The following TBC1D2B variants were observed in gnomAD, a reference collection of about 807,000 sequenced individuals.
The protein encoded by TBC1D2B is TBC1 domain family member 2B, also known as TBC1 domain family, member 2B.
TBC1D2B carries 64 observed loss-of-function variants against 100.8 expected under a neutral mutation model. The ratio of observed to expected loss-of-function variants is 0.64; its 90% CI spans 0.52 to 0.78. The LOEUF is 0.78. TBC1D2B is among the 30% of genes least tolerant of loss of function. TBC1D2B has a pLI of 0.00. For missense variants in TBC1D2B, 1,052 were observed against 1,218.4 expected, an observed-to-expected ratio of 0.86 and a Z score of 2.03; for synonymous variants, 480 against 479.7, an observed-to-expected ratio of 1.00 and a Z score of -0.01.
At chr15:78,017,698 G>A (rs2072412422) in intron 7 of TBC1D2B, 149 bp downstream of exon 7, 2 of 540,100 alleles carry the variant, frequency 3.7e-6, no homozygotes, top group Non-Finnish European at 6.6e-6. Context: ...ACAGCTCTAT[G>A]TATTATATGT....
At position 78,024,104 on chromosome 15, in the gene TBC1D2B, T is replaced by A. The variant is rs112269463; in HGVS notation, c.1470+52A>T. ...GCTCACGGAGGCCAGGCCTCTGGGG[T>A]GACATCGGTGGTCTCTCATGCCAAT... On this transcript the variant is annotated intron_variant, in intron 6 of 12. Coordinates refer to ENST00000300584, the MANE Select transcript of TBC1D2B (RefSeq NM_144572.2). The A allele has an allele frequency of 1.6e-5, 25 of 1,546,030 alleles. No homozygotes were observed. In the African/African-American group the frequency reaches 2.3e-4, roughly 14 times the overall value.
intron 3 of TBC1D2B, among the ~76,000 whole-genome samples, chr15:78,040,859 A>AAAGG (rs2073072576): frequency 8.2e-6 from 1 of 121,418 alleles, no homozygotes; most frequent in Non-Finnish European, 1.8e-5. Context: ...AGAAAGGAAG[A>AAAGG]AAGAAAGAAA....
At position 77,999,770 on chromosome 15, in the gene TBC1D2B, G is replaced by A. The variant is rs565898596; in HGVS notation, c.2697-1415C>T. Among the ~76,000 whole-genome samples the A allele has an allele frequency of 2.6e-5, 4 of 152,286 alleles. No homozygotes were observed. In the East Asian group the frequency reaches 7.7e-4, roughly 29 times the overall value. The stretch of plus-strand genomic sequence containing the variant: ...GTTCCTCAGTCAGGAGCTGACAGAG[G>A]CCCCTCGGCCCAGGCTGGCACCCGG... On this transcript the variant is annotated intron_variant, in intron 12 of 12. Transcript: ENST00000300584.
At chr15:78,053,408 G>A (rs1036460862) in intron 2 of TBC1D2B, among the ~76,000 whole-genome samples, 3 of 152,174 alleles carry the variant, frequency 2.0e-5, no homozygotes, top group Admixed American at 1.3e-4. Flanking sequence ...TATTTTCCCT[G>A]TATGAAGAGT....
chr15:78,025,938 C>T (rs752128461), intron 4 of TBC1D2B, among the ~76,000 whole-genome samples: 7 of 151,624 alleles, frequency 4.6e-5, no homozygotes, highest in Non-Finnish European at 1.0e-4. Context: ...TTAAGAACTA[C>T]AGGAGATTGA....
At chr15:78,057,085 C>A (rs1389192387) in intron 1 of TBC1D2B, among the ~76,000 whole-genome samples, 1 of 152,188 alleles carries the variant, frequency 6.6e-6, no homozygotes, top group Non-Finnish European at 1.5e-5. Flanking sequence ...CTGCCTCTGA[C>A]AATGCAGGCA....
intron 2 of TBC1D2B, 64 bp downstream of exon 2, chr15:78,053,970 T>A: frequency 6.7e-7 from 1 of 1,498,230 alleles, no homozygotes; most frequent in Non-Finnish European, 9.0e-7. Flanking sequence ...ACTGCTAAGT[T>A]CATATGTGGT....
At chr15:77,998,856 G>A in intron 12 of TBC1D2B, 1 of 170,254 alleles carries the variant, frequency 5.9e-6, no homozygotes, top group Non-Finnish European at 1.3e-5. Context: ...TCCTGGCGAT[G>A]ACTGTCAGAC....
chr15:78,026,408 T>A (rs1474258784), intron 4 of TBC1D2B, among the ~76,000 whole-genome samples: 5 of 152,186 alleles, frequency 3.3e-5, no homozygotes, highest in Non-Finnish European at 7.3e-5. Flanking sequence ...TCTCTTGCTC[T>A]CTTTCTCTCT....
intron 4 of TBC1D2B, among the ~76,000 whole-genome samples, chr15:78,026,230 C>A (rs1165674992): frequency 1.3e-5 from 2 of 151,658 alleles, no homozygotes; most frequent in Non-Finnish European, 2.9e-5. Context: ...ATTTAATCCT[C>A]AATGTAACAG....
intron 2 of TBC1D2B, among the ~76,000 whole-genome samples, chr15:78,052,748 C>G (rs530153659): frequency 6.6e-6 from 1 of 152,320 alleles, no homozygotes; most frequent in East Asian, 1.9e-4. Flanking sequence ...GCTCATGAAC[C>G]CTGCCTGTTC....
rs191959343 is a variant in TBC1D2B, at chr15:78,062,857, A to C, written c.361-8670T>G. ...TTAACCCTCGTAACTAACTCTCCCC[A>C]AACAGTATCATCTGCTTGCCCATGG... On this transcript the variant is annotated intron_variant, in intron 1 of 12. Coordinates refer to ENST00000300584, the MANE Select transcript of TBC1D2B (RefSeq NM_144572.2). Among the ~76,000 whole-genome samples the C allele has an allele frequency of 2.8e-3, 433 of 152,290 alleles. 2 individuals carry two copies. Among genetic ancestry groups the C allele is most frequent in the Non-Finnish European group, 3.9e-3 (267 of 68,024 alleles).
chr15:78,007,259 G>A (rs2072092490), intron 10 of TBC1D2B, among the ~76,000 whole-genome samples: 1 of 152,226 alleles, frequency 6.6e-6, no homozygotes, highest in African/African-American at 2.4e-5. Flanking sequence ...GACAACAGCA[G>A]CAGAGGGATG....
At position 77,998,560 on chromosome 15, in the gene TBC1D2B, G is replaced by A. The variant is rs574271987; in HGVS notation, c.2697-205C>T. ...CAGCCAGGGGCAGGCTCAGAATGAC[G>A]ACCTGGACTCCAGCTCTGCCACATG... is the stretch of plus-strand genomic sequence containing the variant. On this transcript the variant is annotated intron_variant, in intron 12 of 12. Transcript: ENST00000300584. 281 of 526,870 alleles carry A rather than the reference G, an allele frequency of 5.3e-4. 2 individuals carry two copies. The highest frequency in any genetic ancestry group is 3.8e-3 in the South Asian group (144 of 38,378). The allele number at this position is 526,870 out of a possible 1,614,324, so 32.6% of individuals were successfully genotyped here.
At chr15:78,075,887 G>A (rs979017719) in intron 1 of TBC1D2B, among the ~76,000 whole-genome samples, 1 of 151,996 alleles carries the variant, frequency 6.6e-6, no homozygotes, top group Non-Finnish European at 1.5e-5. Flanking sequence ...GGGGTCTGAG[G>A]AACAGTCCTC....
chr15:78,022,736 C>T (rs919935315), intron 6 of TBC1D2B, among the ~76,000 whole-genome samples: 1 of 151,314 alleles, frequency 6.6e-6, no homozygotes, highest in Non-Finnish European at 1.5e-5. Flanking sequence ...TGTATAGAGA[C>T]GGGGGTTTCA....
chr15:78,053,510 C>T (rs2073357979), intron 2 of TBC1D2B, among the ~76,000 whole-genome samples: 1 of 152,344 alleles, frequency 6.6e-6, no homozygotes, highest in East Asian at 1.9e-4. Context: ...TAGAGGTTAT[C>T]TCCATGCTGC....
At chr15:78,051,444 A>G (rs1278715464) in intron 2 of TBC1D2B, among the ~76,000 whole-genome samples, 2 of 152,344 alleles carry the variant, frequency 1.3e-5, no homozygotes, top group East Asian at 3.9e-4. Context: ...TCTGACAACT[A>G]GTAAATATCC....
rs1220844864 is a variant in TBC1D2B at position 78,068,379 on chromosome 15, ACACC to A, written c.360+8910_360+8913del. Reference sequence around the variant, plus strand: ...ACCATGAAATGAAAGCACACACACCACACCCACACACACACACACACACACACAC... The same window carrying A: ...ACCATGAAATGAAAGCACACACACCACACACACACACACACACACACACAC... On this transcript the variant is annotated intron_variant, in intron 1 of 12. Transcript: ENST00000300584. Among the ~76,000 whole-genome samples, 68 of 127,858 alleles carry A rather than the reference ACACC, an allele frequency of 5.3e-4. No individual in the cohort carries two copies. The South Asian group carries it at 7.2e-3, about 13-fold the overall frequency. The allele number at this position is 127,858 out of a possible 152,430, so 83.9% of individuals were successfully genotyped here.
Sources: gnomAD v4.1 joint callset for allele counts (sites outside exome capture counted in the v4.1 genomes callset) on GRCh38, gnomAD v4.1.1 for gene constraint, MANE v1.5 for transcripts, NCBI Gene and HGNC (gene_info 2026-07-23, HGNC 2026-07-21) for gene names.